The following MAP4 variants were observed in gnomAD, a reference collection of about 807,000 sequenced individuals.
MAP4 encodes microtubule-associated protein 4.
Under a neutral mutation model 170.2 loss-of-function variants are expected in MAP4, and 76 were observed. That is an observed-to-expected ratio of 0.45 (90% confidence interval 0.37 to 0.54). MAP4 has a LOEUF of 0.54. Ranked by LOEUF, MAP4 falls within the 20% of genes least tolerant of loss-of-function variation. The pLI is 0.00. For synonymous variants in MAP4, 909 were observed against 994.5 expected (o/e 0.91, Z 1.62); for missense variants, 2,506 against 2,748.0 (o/e 0.91, Z 1.97).
chr3:48,086,073 T>C (rs1045875151), intron 1 of MAP4, among the ~76,000 whole-genome samples: 2 of 151,370 alleles, frequency 1.3e-5, no homozygotes, highest in Admixed American at 6.6e-5. Flanking sequence ...TATATATGTG[T>C]GTGTATATGT....
chr3:47,899,864 CCTGTGTGT>C (rs1379387962), intron 10 of MAP4, among the ~76,000 whole-genome samples: 1 of 152,164 alleles, frequency 6.6e-6, no homozygotes, highest in African/African-American at 2.4e-5. Flanking sequence ...CGCATGGATT[CCTGTGTGT>C]CTGGGCAGAA....
chr3:47,940,970 C>T (rs753933720), intron 3 of MAP4, among the ~76,000 whole-genome samples: 1 of 151,924 alleles, frequency 6.6e-6, no homozygotes, highest in Non-Finnish European at 1.5e-5. Flanking sequence ...CTCTACCTCC[C>T]GGGTTCAAGC....
intron 1 of MAP4, among the ~76,000 whole-genome samples, chr3:48,036,184 T>G (rs1343578297): frequency 6.6e-6 from 1 of 152,158 alleles, no homozygotes; most frequent in African/African-American, 2.4e-5. Flanking sequence ...TATAGCAAGC[T>G]CTATGCAAAG....
intron 1 of MAP4, among the ~76,000 whole-genome samples, chr3:48,010,104 C>A (rs2100104470): frequency 6.6e-6 from 1 of 152,150 alleles, no homozygotes; most frequent in South Asian, 2.1e-4. Flanking sequence ...TGATTACTGT[C>A]AATGCAAAAC....
At chr3:47,959,723 C>A (rs1380470116) in intron 3 of MAP4, among the ~76,000 whole-genome samples, 1 of 147,154 alleles carries the variant, frequency 6.8e-6, no homozygotes, top group Non-Finnish European at 1.5e-5. Context: ...CGCGCCGCTG[C>A]ACTCCACCCT....
At chr3:47,917,247 A>T in intron 6 of MAP4, 73 bp from the exon 7 acceptor site, 4 of 1,286,174 alleles carry the variant, frequency 3.1e-6, no homozygotes, top group Non-Finnish European at 4.4e-6. Flanking sequence ...TTCTTCAGGC[A>T]TGAGAGTATT....
intron 1 of MAP4, among the ~76,000 whole-genome samples, chr3:48,061,319 A>G (rs1430419640): frequency 7.0e-6 from 1 of 142,086 alleles, no homozygotes; most frequent in African/African-American, 2.5e-5. Flanking sequence ...CAGCCTGCCG[A>G]GTGCCTGCGA....
chr3:47,917,092 C>T lies in MAP4; in HGVS notation c.735G>A (p.Leu245=). Residue 245 remains leucine (L), a synonymous_variant, in exon 7 of 21, where the codon CTG becomes CTA. Coordinates refer to ENST00000683076, the MANE Select transcript of MAP4 (RefSeq NM_001385682.1). The part of the protein sequence containing the change: ...PAQALEIMMG[L]KTTDMAPSKE... ...TAGATGGTGCCATGTCAGTAGTCTTCAGTCCCATCATTATTTCCAATGCTT... is the reference window on the plus strand; with the variant it reads ...TAGATGGTGCCATGTCAGTAGTCTTTAGTCCCATCATTATTTCCAATGCTT... 1 of 1,614,154 alleles carries T rather than the reference C, an allele frequency of 6.2e-7. No individual in the cohort carries two copies. The highest frequency in any genetic ancestry group is 8.5e-7 in the Non-Finnish European group (1 of 1,179,974).
At chr3:47,956,148 C>A (rs908387597) in intron 3 of MAP4, among the ~76,000 whole-genome samples, 1 of 151,922 alleles carries the variant, frequency 6.6e-6, no homozygotes, top group Non-Finnish European at 1.5e-5. Flanking sequence ...ATGTGCAGCA[C>A]GATCTATCAT....
At position 48,063,113 on chromosome 3, in the gene MAP4, A is replaced by G. The variant is rs1342777468; in HGVS notation, c.-20+25660T>C. ...ATTCTGACAACCGTGGTTAAAAGAAATTATTAATAAGAAAAAAAGACTTCA... is the reference window on the plus strand; with the variant it reads ...ATTCTGACAACCGTGGTTAAAAGAAGTTATTAATAAGAAAAAAAGACTTCA... On this transcript the variant is annotated intron_variant, in intron 1 of 18. Coordinates refer to the MAP4 transcript ENST00000360240. 2.0e-5 allele frequency among the ~76,000 whole-genome samples: 3 copies of G among 152,112 alleles called. No individual in the cohort carries two copies. In the East Asian group the frequency reaches 5.8e-4, roughly 29 times the overall value.
rs544735554 is a variant in MAP4, at chr3:47,852,440, C to T, written c.*494G>A. On this transcript the variant is annotated 3_prime_UTR_variant, in exon 21 of 21. Coordinates refer to ENST00000683076, the MANE Select transcript of MAP4 (RefSeq NM_001385682.1). ...GCAGTGGCTTAAGCTCCACGGTCAG[C>T]GTCCTGTCACCACTCGGAATCCACC... 28 of 253,366 alleles carry T rather than the reference C, an allele frequency of 1.1e-4. No individual in the cohort carries two copies. Among genetic ancestry groups the T allele is most frequent in the Admixed American group, 1.5e-4 (3 of 19,858 alleles). 15.7% of individuals were successfully genotyped at this position (253,366 alleles called of 1,614,324 possible).
chr3:47,905,911 T>C (rs2100032704), intron 9 of MAP4, among the ~76,000 whole-genome samples: 1 of 151,964 alleles, frequency 6.6e-6, no homozygotes, highest in African/African-American at 2.4e-5. Flanking sequence ...GGAGAATCGC[T>C]TGAACCTGGG....
Position 47,912,015 on chromosome 3 carries a change from A to G in MAP4, c.2406T>C (p.Phe802=). ...CACCTGATTTTTGTGTGTCAGCTGCAAATGGATGACCTTTAGGCTTATCTG... is the reference window on the plus strand; with the variant it reads ...CACCTGATTTTTGTGTGTCAGCTGCGAATGGATGACCTTTAGGCTTATCTG... ...DNADKPKGHP[F]AADTQKSGVL... Residue 802 remains phenylalanine, a synonymous_variant, in exon 9 of 21, where the codon TTT becomes TTC. Transcript: ENST00000683076. 6.5e-7 allele frequency: 1 copy of G among 1,536,156 alleles called. No individual in the cohort carries two copies. Among genetic ancestry groups the G allele is most frequent in the Non-Finnish European group, 8.7e-7 (1 of 1,146,920 alleles).
chr3:47,852,642 G>T lies in MAP4; in HGVS notation c.*292C>A. 8.9e-7 allele frequency: 1 copy of T among 1,120,804 alleles called. No individual in the cohort carries two copies. Among genetic ancestry groups the T allele is most frequent in the Non-Finnish European group, 1.2e-6 (1 of 810,800 alleles). The allele number at this position is 1,120,804 out of a possible 1,614,324, so 69.4% of individuals were successfully genotyped here. On this transcript the variant is annotated 3_prime_UTR_variant, in exon 21 of 21. Coordinates refer to ENST00000683076, the MANE Select transcript of MAP4 (RefSeq NM_001385682.1). ...ACCTCCTCCACGGAGCAGTGGCGCAGTGATGGGGCAAGACCAAAGCAGGGA... is the reference window on the plus strand; with the variant it reads ...ACCTCCTCCACGGAGCAGTGGCGCATTGATGGGGCAAGACCAAAGCAGGGA...
chr3:47,885,064 C>T (rs2097344824), intron 10 of MAP4, among the ~76,000 whole-genome samples: 2 of 152,186 alleles, frequency 1.3e-5, no homozygotes, highest in South Asian at 4.1e-4. Flanking sequence ...AAACAGGGCT[C>T]ACCATTAGGT....
At chr3:48,020,679 C>T (rs2100110099), upstream of MAP4, among the ~76,000 whole-genome samples, 1 of 151,568 alleles carries the variant, frequency 6.6e-6, no homozygotes, top group South Asian at 2.1e-4. Context: ...AATATTTTAC[C>T]TGAAATACAA....
In MAP4 at chr3:47,867,239, T is replaced by C; in HGVS notation, c.6501+7A>G. On this transcript the variant is annotated splice_region_variant and intron_variant, in intron 17 of 20. Transcript: ENST00000683076. ...TCAGATGCCAGCTAACCAGAGCTTA[T>C]ACTTACATTACCACCTCCAGGGACA... is the stretch of plus-strand genomic sequence containing the variant. 2 of 1,598,722 alleles carry C rather than the reference T, an allele frequency of 1.3e-6. No individual in the cohort carries two copies. Among genetic ancestry groups the C allele is most frequent in the Non-Finnish European group, 1.7e-6 (2 of 1,166,432 alleles).
chr3:47,951,594 C>T (rs899248670), intron 3 of MAP4, among the ~76,000 whole-genome samples: 1 of 152,220 alleles, frequency 6.6e-6, no homozygotes, highest in East Asian at 1.9e-4. Context: ...GCGAGTGATC[C>T]GCCAGCCTTG....
intron 2 of MAP4, among the ~76,000 whole-genome samples, chr3:47,988,784 G>T (rs1280988592): frequency 1.3e-5 from 2 of 151,470 alleles, no homozygotes; most frequent in Admixed American, 1.3e-4. Flanking sequence ...CATGAAAAAG[G>T]TATAGTTTCA....
Sources: gnomAD v4.1 joint callset for allele counts (sites outside exome capture counted in the v4.1 genomes callset) on GRCh38, gnomAD v4.1.1 for gene constraint, MANE v1.5 for transcripts, NCBI Gene and HGNC (gene_info 2026-07-23, HGNC 2026-07-21) for gene names.